The following LOC128462377 variants were observed in gnomAD, a reference collection of about 807,000 sequenced individuals.
At chr16:89,371,911 C>G in the LOC128462377 span, among the ~76,000 whole-genome samples, 8 of 152,214 alleles carry the variant, frequency 5.3e-5, no homozygotes, top group Non-Finnish European at 1.2e-4. Context: ...AAGAGGAACT[C>G]TACTGACTGG....
the LOC128462377 span, among the ~76,000 whole-genome samples, chr16:89,342,129 C>T: frequency 6.6e-6 from 1 of 152,076 alleles, no homozygotes; most frequent in African/African-American, 2.4e-5. Flanking sequence ...GGCACTTGGT[C>T]CCTTCTCTCA....
chr16:89,341,074 A>G, the LOC128462377 span, among the ~76,000 whole-genome samples: 1 of 152,230 alleles, frequency 6.6e-6, no homozygotes, highest in African/African-American at 2.4e-5. Flanking sequence ...CCAGGAAAAA[A>G]TTAATAAGTC....
chr16:89,325,297 G>A, the LOC128462377 span, among the ~76,000 whole-genome samples: 2 of 152,076 alleles, frequency 1.3e-5, no homozygotes, highest in Non-Finnish European at 2.9e-5. Context: ...AATTAGCCGG[G>A]CACTGTGGTG....
the LOC128462377 span, among the ~76,000 whole-genome samples, chr16:89,336,268 T>C: frequency 6.6e-6 from 1 of 152,154 alleles, no homozygotes; most frequent in African/African-American, 2.4e-5. Context: ...GGTGCCTGGC[T>C]GGGAGCAGGT....
the LOC128462377 span, among the ~76,000 whole-genome samples, chr16:89,365,955 G>A: frequency 2.0e-5 from 3 of 151,836 alleles, no homozygotes; most frequent in East Asian, 1.9e-4. Context: ...GTGACAACAC[G>A]CAGTATTTGG....
chr16:89,367,106 C>G, the LOC128462377 span, among the ~76,000 whole-genome samples: 72 of 152,322 alleles, frequency 4.7e-4, no homozygotes, highest in African/African-American at 1.7e-3. Context: ...CCGAGACTCA[C>G]CGGATACTCA....
the LOC128462377 span, among the ~76,000 whole-genome samples, chr16:89,408,801 A>C: frequency 6.6e-6 from 1 of 152,214 alleles, no homozygotes; most frequent in Non-Finnish European, 1.5e-5. Context: ...TGAGGCCTAC[A>C]TTCCTCTTGT....
At chr16:89,366,163 ATTCT>A in the LOC128462377 span, among the ~76,000 whole-genome samples, 1 of 149,222 alleles carries the variant, frequency 6.7e-6, no homozygotes, top group Non-Finnish European at 1.5e-5. Context: ...ACATGATCTC[ATTCT>A]TTTTCATGGC....
chr16:89,374,534 T>C, the LOC128462377 span, among the ~76,000 whole-genome samples: 1 of 152,202 alleles, frequency 6.6e-6, no homozygotes, highest in Non-Finnish European at 1.5e-5. Context: ...CGATGGCCTC[T>C]GCCGGCCGCT....
At chr16:89,389,854 G>A in the LOC128462377 span, among the ~76,000 whole-genome samples, 4 of 136,526 alleles carry the variant, frequency 2.9e-5, no homozygotes, top group Admixed American at 7.5e-5. Context: ...GGGGAGCACC[G>A]AGAGAAAGAA....
the LOC128462377 span, among the ~76,000 whole-genome samples, chr16:89,413,077 T>C: frequency 6.6e-6 from 1 of 150,878 alleles, no homozygotes; most frequent in African/African-American, 2.4e-5. Flanking sequence ...GGGGAGGGAG[T>C]AGGAGGGGGC....
chr16:89,326,166 G>T, the LOC128462377 span, among the ~76,000 whole-genome samples: 2 of 152,222 alleles, frequency 1.3e-5, no homozygotes, highest in Non-Finnish European at 2.9e-5. Flanking sequence ...CAATTGCACA[G>T]CTAAAAATAA....
At chr16:89,395,380 T>G in the LOC128462377 span, among the ~76,000 whole-genome samples, 3 of 152,222 alleles carry the variant, frequency 2.0e-5, no homozygotes, top group Non-Finnish European at 4.4e-5. Context: ...AGTCCTGCAC[T>G]GCGGGGACAT....
At chr16:89,375,981 G>C in the LOC128462377 span, among the ~76,000 whole-genome samples, 1 of 152,150 alleles carries the variant, frequency 6.6e-6, no homozygotes, top group Admixed American at 6.6e-5. Flanking sequence ...TGCTGTGGAT[G>C]CTTTTCAAAA....
the LOC128462377 span, among the ~76,000 whole-genome samples, chr16:89,394,603 G>A: frequency 2.0e-5 from 3 of 150,636 alleles, no homozygotes; most frequent in Non-Finnish European, 4.4e-5. Flanking sequence ...ACTCCAGCCT[G>A]GGCGACAAAA....
chr16:89,373,369 A>G, the LOC128462377 span: 3 of 152,306 alleles, frequency 2.0e-5, no homozygotes, highest in African/African-American at 7.2e-5. Flanking sequence ...GATGCGCAGG[A>G]AGCTCAATTC....
At chr16:89,375,180 G>A in the LOC128462377 span, among the ~76,000 whole-genome samples, 1 of 152,078 alleles carries the variant, frequency 6.6e-6, no homozygotes, top group African/African-American at 2.4e-5. Flanking sequence ...CACAGCCTGT[G>A]CTACCGCGGT....
chr16:89,401,871 C>T, the LOC128462377 span, among the ~76,000 whole-genome samples: 1 of 151,970 alleles, frequency 6.6e-6, no homozygotes, highest in African/African-American at 2.4e-5. Context: ...CCCCATCCCC[C>T]AGAACCCGCC....
the LOC128462377 span, among the ~76,000 whole-genome samples, chr16:89,366,587 G>A: frequency 6.6e-6 from 1 of 152,198 alleles, no homozygotes; most frequent in Non-Finnish European, 1.5e-5. Context: ...GTTTCCACTC[G>A]CTGAAATCAG....
Sources: allele counts gnomAD v4.1 joint callset (sites outside exome capture counted in the v4.1 genomes callset), GRCh38; gene constraint gnomAD v4.1.1; transcripts MANE v1.5.